The following MAT2B variants were observed in gnomAD, a reference collection of about 807,000 sequenced individuals.
MAT2B encodes the protein methionine adenosyltransferase 2 subunit beta.
Under a neutral mutation model 36.1 loss-of-function variants are expected in MAT2B, and 16 were observed. The observed-to-expected ratio is 0.44, with a 90% CI of 0.30 to 0.67. The LOEUF is 0.67. Ranked by LOEUF, MAT2B falls within the 30% of genes least tolerant of loss-of-function variation. The probability of loss-of-function intolerance (pLI) is 0.09; values close to 1 mark genes in which losing one functional copy is unlikely to be tolerated. For missense variants in MAT2B, 332 were observed against 398.2 expected (o/e 0.83, Z 1.42); for synonymous variants, 148 against 136.9 (o/e 1.08, Z -0.57).
rs77437261 is a variant in MAT2B at position 163,518,211 on chromosome 5, C to G, written c.853C>G (p.Leu285Val). Residue 285 changes from leucine to valine, a missense_variant, in exon 7 of 7, where the codon CTA (leucine) becomes GTA (valine). By Grantham distance (32) the Leu-to-Val change is conservative. Coordinates refer to ENST00000321757, the MANE Select transcript of MAT2B (RefSeq NM_013283.5). Reference sequence around the variant, plus strand: ...TTTAAAGATTACTGACAGCCCTGTCCTAGGAGCACAACGTCCGAGAAATGC... The same window carrying G: ...TTTAAAGATTACTGACAGCCCTGTCGTAGGAGCACAACGTCCGAGAAATGC... ...HLRPITDSPVLGAQRPRNAQL... is the reference protein window; with the variant it reads ...HLRPITDSPVVGAQRPRNAQL... 175 of 1,610,156 alleles carry G rather than the reference C, an allele frequency of 1.1e-4. No homozygotes were observed. In the African/African-American group the frequency reaches 1.7e-3, roughly 16 times the overall value.
At chr5:163,517,048 T>C in intron 5 of MAT2B, 1 of 400,284 alleles carries the variant, frequency 2.5e-6, no homozygotes, top group Non-Finnish European at 4.4e-6. Context: ...CCCAGCACAT[T>C]TGAAAAAGTT....
In MAT2B at chr5:163,518,359, A is replaced by T. The variant is rs1276668216; in HGVS notation, c.1001A>T (p.His334Leu). 1 of 1,599,440 alleles carries T rather than the reference A, an allele frequency of 6.3e-7. No individual in the cohort carries two copies. Among genetic ancestry groups the T allele is most frequent in the Admixed American group, 1.7e-5 (1 of 57,634 alleles). The change falls in exon 7 of 7, where the codon CAT becomes CTT. Residue 334 changes from histidine to leucine, a missense_variant. By Grantham distance (99) the His-to-Leu change is moderately conservative (BLOSUM62 -3). Coordinates refer to ENST00000321757, the MANE Select transcript of MAT2B (RefSeq NM_013283.5). ...IDKRWRQTVFH is the reference protein window; with the variant it reads ...IDKRWRQTVFL ...AAGAGATGGAGACAAACGGTCTTTCATTAGTTTATTTGTGTTGGGTTCTTT... is the reference window on the plus strand; with the variant it reads ...AAGAGATGGAGACAAACGGTCTTTCTTTAGTTTATTTGTGTTGGGTTCTTT...
Position 163,518,350 on chromosome 5 carries a change from CG to C in MAT2B, c.994del (p.Val332SerfsTer33). On this transcript the variant is annotated frameshift_variant, in exon 7 of 7. Coordinates refer to ENST00000321757, the MANE Select transcript of MAT2B (RefSeq NM_013283.5). LOFTEE classifies it high-confidence loss of function. Reference sequence around the variant, plus strand: ...CTCATTGACAAGAGATGGAGACAAACGGTCTTTCATTAGTTTATTTGTGTTG... The same window carrying C: ...CTCATTGACAAGAGATGGAGACAAACGTCTTTCATTAGTTTATTTGTGTTG... ...PFLIDKRWRQ[T>X]VFH The C allele has an allele frequency of 1.2e-6, 2 of 1,605,262 alleles. No homozygotes were observed. Among genetic ancestry groups the C allele is most frequent in the Non-Finnish European group, 1.7e-6 (2 of 1,176,944 alleles).
chr5:163,517,718 A>G (rs755404868), intron 6 of MAT2B, 44 bp downstream of exon 6: 3 of 1,175,086 alleles, frequency 2.6e-6, no homozygotes, highest in Admixed American at 3.4e-5. Flanking sequence ...TTGCTATGGT[A>G]TATATTATTG....
chr5:163,506,540 TG>T (rs975582978), intron 1 of MAT2B, among the ~76,000 whole-genome samples: 5 of 152,298 alleles, frequency 3.3e-5, no homozygotes, highest in Admixed American at 1.3e-4. Context: ...ACACTACTAA[TG>T]CCCAGACCAT....
At chr5:163,507,507 A>T (rs1559162) in intron 1 of MAT2B, among the ~76,000 whole-genome samples, 92,122 of 152,070 alleles carry the variant, frequency 0.61, 30,414 homozygotes, top group East Asian at 0.88. Flanking sequence ...ACTTAAACTG[A>T]TATTAGATCT....
intron 4 of MAT2B, among the ~76,000 whole-genome samples, chr5:163,515,770 C>CCTTTTTTTTTT (rs1760121098): frequency 1.4e-5 from 1 of 69,780 alleles, no homozygotes; most frequent in East Asian, 4.0e-4. Flanking sequence ...TTGCCTTTTT[C>CCTTTTTTTTTT]TTTTTTTTTT....
chr5:163,505,579 G>C (rs1388666432), upstream of MAT2B: 3 of 1,247,190 alleles, frequency 2.4e-6, no homozygotes, highest in African/African-American at 4.6e-5. Context: ...GAGCGGGGTC[G>C]TTCTGGGCCT....
intron 1 of MAT2B, among the ~76,000 whole-genome samples, chr5:163,508,716 C>T (rs773198565): frequency 1.3e-5 from 2 of 151,676 alleles, no homozygotes; most frequent in South Asian, 2.1e-4. Flanking sequence ...CTCCTGGGTT[C>T]GAGCGATTCT....
At chr5:163,516,375 A>T in intron 4 of MAT2B, 143 bp from the exon 5 acceptor site, 1 of 667,708 alleles carries the variant, frequency 1.5e-6, no homozygotes. Context: ...TTGCGTTGTC[A>T]CAAGTGAGCT....
intron 4 of MAT2B, 62 bp from the exon 5 acceptor site, chr5:163,516,456 T>G: frequency 2.9e-6 from 4 of 1,360,042 alleles, no homozygotes; most frequent in Non-Finnish European, 2.1e-6. Context: ...CACACCCTTG[T>G]ATCTTACATC....
In MAT2B at chr5:163,513,557, C is replaced by A. The variant is rs148055585; in HGVS notation, c.261C>A (p.Pro87=). The change falls in exon 3 of 7, where the codon CCC becomes CCA. Residue 87 remains proline (P), a splice_region_variant and synonymous_variant. Coordinates refer to ENST00000321757, the MANE Select transcript of MAT2B (RefSeq NM_013283.5). ...ATACGTCAATGCTTAACTTCTAGCC[C>A]CATGTTATAGTACATTGTGCAGCAG... The part of the protein sequence containing the change: ...AVHHIIHDFQ[P]HVIVHCAAER... 2.2e-5 allele frequency: 34 copies of A among 1,575,896 alleles called. No homozygotes were observed. Among genetic ancestry groups the A allele is most frequent in the Non-Finnish European group, 2.9e-5 (33 of 1,147,574 alleles).
At chr5:163,515,512 TATC>T (rs1384145531) in intron 4 of MAT2B, among the ~76,000 whole-genome samples, 1 of 152,214 alleles carries the variant, frequency 6.6e-6, no homozygotes, top group African/African-American at 2.4e-5. Flanking sequence ...ACAGTGCAGT[TATC>T]ATACATTTGG....
intron 1 of MAT2B, among the ~76,000 whole-genome samples, chr5:163,507,876 A>G (rs917125926): frequency 3.9e-5 from 6 of 152,230 alleles, no homozygotes; most frequent in African/African-American, 1.4e-4. Flanking sequence ...AAGTAAACGA[A>G]ACTATTCGGA....
rs1211404040 is a variant in MAT2B, at chr5:163,511,414, CCACCTG to C, written c.64-587_64-582del. Among the ~76,000 whole-genome samples the C allele has an allele frequency of 1.0e-3, 152 of 150,148 alleles. 1 individual carries two copies. The highest frequency in any genetic ancestry group is 1.5e-3 in the Non-Finnish European group (99 of 67,704). On this transcript the variant is annotated intron_variant, in intron 1 of 6. Coordinates refer to ENST00000321757, the MANE Select transcript of MAT2B (RefSeq NM_013283.5). ...AAGTAGCTAGGACTACAGGCATGCA[CCACCTG>C]TAGCTCAGCTAATTTTTGCTTTTTT...
At position 163,519,295 on chromosome 5, in the gene MAT2B, G is replaced by A. The variant is rs907598715; in HGVS notation, c.*932G>A. 6.6e-6 allele frequency: 1 copy of A among 151,074 alleles called. No homozygotes were observed. The highest frequency in any genetic ancestry group is 2.4e-5 in the African/African-American group (1 of 41,316). The allele number at this position is 151,074 out of a possible 1,614,324, so 9.4% of individuals were successfully genotyped here. On this transcript the variant is annotated 3_prime_UTR_variant, in exon 7 of 7. Coordinates refer to ENST00000321757, the MANE Select transcript of MAT2B (RefSeq NM_013283.5). ...CATACAAAAGAATATAGTTTAATAT[G>A]TATTGAAATAAAACACAATAAAATT...
At chr5:163,516,479 T>C (rs763880102) in intron 4 of MAT2B, 39 bp from the exon 5 acceptor site, 1 of 1,536,570 alleles carries the variant, frequency 6.5e-7, no homozygotes, top group Non-Finnish European at 9.0e-7. Context: ...AATTTAAGAA[T>C]CAGTCAGCTT....
At chr5:163,511,412 C>T (rs1490415614) in intron 1 of MAT2B, among the ~76,000 whole-genome samples, 3 of 149,366 alleles carry the variant, frequency 2.0e-5, no homozygotes, top group Non-Finnish European at 3.0e-5. Flanking sequence ...TACAGGCATG[C>T]ACCACCTGTA....
chr5:163,516,484 C>T, intron 4 of MAT2B, 34 bp from the exon 5 acceptor site: 1 of 1,551,738 alleles, frequency 6.4e-7, no homozygotes, highest in South Asian at 1.1e-5. Flanking sequence ...AAGAATCAGT[C>T]AGCTTTAAAT....
Sources: allele counts gnomAD v4.1 joint callset (sites outside exome capture counted in the v4.1 genomes callset), GRCh38; gene constraint gnomAD v4.1.1; transcripts MANE v1.5; gene names NCBI Gene and HGNC (gene_info 2026-07-23, HGNC 2026-07-21).